Variants in AP1M1 observed in about 807,000 individuals in gnomAD.
The protein encoded by AP1M1 is AP-1 complex subunit mu-1.
A neutral mutation model predicts 57.1 loss-of-function variants in AP1M1; 18 were observed. The ratio of observed to expected loss-of-function variants is 0.32; its 90% CI spans 0.22 to 0.47. The LOEUF (loss-of-function observed/expected upper bound fraction) is 0.47, where lower values mean the gene tolerates loss of function less well. Ranked by LOEUF, AP1M1 falls within the 20% of genes least tolerant of loss-of-function variation. The pLI, the probability that AP1M1 is intolerant of heterozygous loss-of-function variation, is 1.00. For synonymous variants in AP1M1, 241 were observed against 237.9 expected (o/e 1.01, Z -0.12); for missense variants, 362 against 593.5 (o/e 0.61, Z 4.05).
intron 5 of AP1M1, among the ~76,000 whole-genome samples, chr19:16,210,600 C>A (rs1240166492): frequency 2.6e-5 from 4 of 152,240 alleles, no homozygotes; most frequent in African/African-American, 9.6e-5. Flanking sequence ...GCTCTTGTCG[C>A]CCAGGCTGGA....
chr19:16,214,950 T>C (rs1334516118), intron 5 of AP1M1, among the ~76,000 whole-genome samples: 1 of 151,250 alleles, frequency 6.6e-6, no homozygotes, highest in East Asian at 2.0e-4. Flanking sequence ...GGTTTTGCCA[T>C]GTTTCCCAGG....
intron 9 of AP1M1, among the ~76,000 whole-genome samples, chr19:16,231,263 G>A (rs1002098216): frequency 4.2e-5 from 6 of 143,316 alleles, no homozygotes; most frequent in African/African-American, 1.6e-4. Context: ...ACTCCAGCCT[G>A]GGCAACAGAG....
At chr19:16,208,588 T>G (rs1215946504) in intron 4 of AP1M1, among the ~76,000 whole-genome samples, 1 of 152,096 alleles carries the variant, frequency 6.6e-6, no homozygotes, top group Non-Finnish European at 1.5e-5. Context: ...TCTCCCCATT[T>G]TACAGGGGAC....
At chr19:16,226,723 A>T (rs2091572814) in intron 6 of AP1M1, 176 bp downstream of exon 6, 1 of 851,054 alleles carries the variant, frequency 1.2e-6, no homozygotes, top group African/African-American at 1.7e-5. Flanking sequence ...CCCTGGACAT[A>T]GAAGGTGCAG....
rs572701056 is a variant in AP1M1 at position 16,207,401 on chromosome 19, C to G, written c.268-618C>G. On this transcript the variant is annotated intron_variant, in intron 3 of 11. Transcript: ENST00000291439. This position sits in a 1 kb window ranked among gnomAD's most constrained non-coding sequence, Gnocchi z 4.2. ...GGCCTGGCTGTGCTGCCTGTGGTTT[C>G]CAAGCAGAGGCCGGGTGATCACAGT... Among the ~76,000 whole-genome samples the G allele has an allele frequency of 2.0e-5, 3 of 152,096 alleles. No individual in the cohort carries two copies. The highest frequency in any genetic ancestry group is 7.2e-5 in the African/African-American group (3 of 41,476).
intron 11 of AP1M1, 29 bp downstream of exon 11, chr19:16,234,303 G>T (rs1568356954): frequency 6.2e-7 from 1 of 1,613,246 alleles, no homozygotes. Context: ...GTGGGGTGGG[G>T]TTGTACTGAG....
Position 16,240,590 on chromosome 19 carries a change from C to T in AP1M1, c.*6155C>T, listed in dbSNP as rs1011741928. The T allele has an allele frequency of 6.6e-6, 1 of 152,080 alleles. No individual in the cohort carries two copies. Among genetic ancestry groups the T allele is most frequent in the Admixed American group, 6.6e-5 (1 of 15,242 alleles). 9.4% of individuals were successfully genotyped at this position (152,080 alleles called of 1,614,324 possible). A position where few individuals can be genotyped will look rare whatever the true frequency, so the allele number is the denominator to read the frequency against. Reference sequence around the variant, plus strand: ...TCAGCCTCCCAAGCAGCTGGGATTACAGGTGCACACCACCACGCCCGGCTA... The same window carrying T: ...TCAGCCTCCCAAGCAGCTGGGATTATAGGTGCACACCACCACGCCCGGCTA... On this transcript the variant is annotated 3_prime_UTR_variant, in exon 12 of 12. Transcript: ENST00000291439.
Position 16,227,163 on chromosome 19 carries a change from G to A in AP1M1, c.674-385G>A, listed in dbSNP as rs1423573784. Among the ~76,000 whole-genome samples, 5 of 152,162 alleles carry A rather than the reference G, an allele frequency of 3.3e-5. No homozygotes were observed. Among genetic ancestry groups the A allele is most frequent in the Non-Finnish European group, 5.9e-5 (4 of 68,008 alleles). On this transcript the variant is annotated intron_variant, in intron 6 of 11. Transcript: ENST00000291439. The surrounding 1 kb of genome is among the most constrained non-coding windows in gnomAD (Gnocchi z 6.2). Reference sequence around the variant, plus strand: ...CCCCACCCACATAGCCCTCAGTGAGGTGGCAAACCAAGGTAGGACCCAGGA... The same window carrying A: ...CCCCACCCACATAGCCCTCAGTGAGATGGCAAACCAAGGTAGGACCCAGGA...
At chr19:16,232,248 C>T (rs1043966296) in intron 9 of AP1M1, among the ~76,000 whole-genome samples, 4 of 152,210 alleles carry the variant, frequency 2.6e-5, no homozygotes, top group Admixed American at 2.0e-4. Flanking sequence ...TCTTCCTACC[C>T]GGGGAGCCCT....
At chr19:16,210,236 T>C (rs7258138) in intron 5 of AP1M1, 436,584 of 596,016 alleles carry the variant, frequency 0.73, 164,583 homozygotes, top group Non-Finnish European at 0.8. Context: ...TTTATATTTA[T>C]TTTCTGTTCT....
chr19:16,231,014 C>T (rs772701455), intron 9 of AP1M1, among the ~76,000 whole-genome samples: 13 of 151,992 alleles, frequency 8.6e-5, no homozygotes, highest in African/African-American at 2.2e-4. Context: ...GAGGGCCAGG[C>T]GCTGTGGCTC....
At chr19:16,223,972 G>A (rs1295023156) in intron 5 of AP1M1, among the ~76,000 whole-genome samples, 1 of 152,176 alleles carries the variant, frequency 6.6e-6, no homozygotes, top group Non-Finnish European at 1.5e-5. Flanking sequence ...CTCAGGTCCC[G>A]TTTCTGACGG....
At chr19:16,221,512 T>C (rs960339318) in intron 5 of AP1M1, among the ~76,000 whole-genome samples, 5 of 152,228 alleles carry the variant, frequency 3.3e-5, no homozygotes, top group Non-Finnish European at 5.9e-5. Context: ...ACTTAAAACT[T>C]TCCTAAATAG....
intron 5 of AP1M1, among the ~76,000 whole-genome samples, chr19:16,222,008 T>C (rs2091546628): frequency 6.6e-6 from 1 of 152,074 alleles, no homozygotes; most frequent in South Asian, 2.1e-4. Flanking sequence ...TTTGTCATTT[T>C]ACTCTTCCTT....
At chr19:16,231,376 G>A (rs2091596881) in intron 9 of AP1M1, among the ~76,000 whole-genome samples, 1 of 148,656 alleles carries the variant, frequency 6.7e-6, no homozygotes, top group African/African-American at 2.5e-5. Context: ...TTCTTAGATT[G>A]CTCCATACTA....
intron 9 of AP1M1, among the ~76,000 whole-genome samples, chr19:16,231,084 C>A (rs899734291): frequency 6.6e-6 from 1 of 151,864 alleles, no homozygotes; most frequent in Non-Finnish European, 1.5e-5. Context: ...GTCAGGAGAT[C>A]AAGACCATCC....
Position 16,224,629 on chromosome 19 carries a change from G to C in AP1M1, c.547-1792G>C, listed in dbSNP as rs138539176. ...ATTGCTGCCCGCAGGGCCGAGATCA[G>C]CCTCGTGGGCTGGGCAGCTTTTCAG... On this transcript the variant is annotated intron_variant, in intron 5 of 11. Transcript: ENST00000291439. 2.3e-3 allele frequency among the ~76,000 whole-genome samples: 356 copies of C among 152,352 alleles called. 2 individuals are homozygous for C. Among genetic ancestry groups the C allele is most frequent in the African/African-American group, 8.3e-3 (345 of 41,588 alleles).
chr19:16,216,588 T>C (rs1441471066), intron 5 of AP1M1, among the ~76,000 whole-genome samples: 1 of 152,236 alleles, frequency 6.6e-6, no homozygotes, highest in Non-Finnish European at 1.5e-5. Flanking sequence ...TTGAAGTTGC[T>C]GTCCTTTGAA....
chr19:16,212,183 CTCT>C (rs1386654741), intron 5 of AP1M1, among the ~76,000 whole-genome samples: 1 of 152,128 alleles, frequency 6.6e-6, no homozygotes, highest in Non-Finnish European at 1.5e-5. Flanking sequence ...ATGGTACCAG[CTCT>C]TCTTTGTACG....
Sources: gnomAD v4.1 joint callset for allele counts (sites outside exome capture counted in the v4.1 genomes callset) on GRCh38, gnomAD v4.1.1 for gene constraint, Gnocchi (gnomAD v3.1) non-coding constraint, MANE v1.5 for transcripts, NCBI Gene and HGNC (gene_info 2026-07-23, HGNC 2026-07-21) for gene names.